The following SUSD1 variants were observed in gnomAD, a reference collection of about 807,000 sequenced individuals.
The protein encoded by SUSD1 is sushi domain-containing protein 1.
A neutral mutation model predicts 86.9 loss-of-function variants in SUSD1; 65 were observed. The observed-to-expected ratio is 0.75, with a 90% CI of 0.61 to 0.92. The LOEUF is 0.92. SUSD1 is among the 40% of genes least tolerant of loss of function. SUSD1 has a pLI of 0.00. For missense variants in SUSD1, 850 were observed against 929.7 expected (o/e 0.91, Z 1.11); for synonymous variants, 346 against 350.0 (o/e 0.99, Z 0.13).
chr9:112,088,914 A>G (rs1830090852), intron 10 of SUSD1, among the ~76,000 whole-genome samples: 1 of 152,144 alleles, frequency 6.6e-6, no homozygotes, highest in Admixed American at 6.5e-5. Flanking sequence ...TGAGACCAGC[A>G]TGGGCAACAA....
At chr9:112,157,816 C>CTTTTT (rs1226073813) in intron 1 of SUSD1, among the ~76,000 whole-genome samples, 1 of 138,432 alleles carries the variant, frequency 7.2e-6, no homozygotes, top group African/African-American at 2.9e-5. Flanking sequence ...CAATGTCTTT[C>CTTTTT]TTTCTTTCTT....
chr9:112,064,251 C>G (rs1054078025), intron 12 of SUSD1, among the ~76,000 whole-genome samples: 1 of 152,160 alleles, frequency 6.6e-6, no homozygotes, highest in Admixed American at 6.5e-5. Flanking sequence ...AGGAGGTGAG[C>G]AGCAGGTGGA....
chr9:112,170,344 C>A (rs1031964552), intron 1 of SUSD1, among the ~76,000 whole-genome samples: 5 of 152,060 alleles, frequency 3.3e-5, no homozygotes, highest in African/African-American at 1.2e-4. Flanking sequence ...AGTCAGGTGA[C>A]CTTTGTATAC....
intron 13 of SUSD1, among the ~76,000 whole-genome samples, chr9:112,062,679 G>A (rs1220349880): frequency 6.6e-6 from 1 of 151,938 alleles, no homozygotes; most frequent in Non-Finnish European, 1.5e-5. Flanking sequence ...TGTATGATGG[G>A]AGTGACACTC....
intron 1 of SUSD1, among the ~76,000 whole-genome samples, chr9:112,167,890 C>T (rs997914121): frequency 6.6e-6 from 1 of 152,126 alleles, no homozygotes; most frequent in Non-Finnish European, 1.5e-5. Flanking sequence ...AGGCAAAAGG[C>T]ATGTGTTACA....
intron 5 of SUSD1, among the ~76,000 whole-genome samples, chr9:112,130,250 G>A (rs1564321244): frequency 6.6e-6 from 1 of 152,116 alleles, no homozygotes; most frequent in African/African-American, 2.4e-5. Flanking sequence ...GCGCATGCTT[G>A]TAATCCCAGC....
At chr9:112,065,464 G>A (rs961213252) in intron 12 of SUSD1, among the ~76,000 whole-genome samples, 1 of 152,228 alleles carries the variant, frequency 6.6e-6, no homozygotes, top group Non-Finnish European at 1.5e-5. Flanking sequence ...GGCAGAGGTT[G>A]CAGTGAGCCG....
intron 2 of SUSD1, among the ~76,000 whole-genome samples, chr9:112,150,877 A>G (rs937859640): frequency 3.9e-5 from 6 of 152,236 alleles, no homozygotes; most frequent in Non-Finnish European, 8.8e-5. Flanking sequence ...AAGCTGCTCT[A>G]GGTAAGTCAG....
intron 5 of SUSD1, among the ~76,000 whole-genome samples, chr9:112,128,543 G>A (rs1377004269): frequency 6.6e-6 from 1 of 152,088 alleles, no homozygotes; most frequent in Non-Finnish European, 1.5e-5. Context: ...ACAGGTGCCT[G>A]CAACCACGCC....
intron 15 of SUSD1, among the ~76,000 whole-genome samples, chr9:112,048,990 A>G (rs1044846421): frequency 5.3e-5 from 8 of 152,236 alleles, no homozygotes; most frequent in Non-Finnish European, 1.2e-4. Context: ...ACTGAAAAAT[A>G]ATGGAGGACC....
intron 1 of SUSD1, among the ~76,000 whole-genome samples, chr9:112,161,067 TACATTGTCAATTCATAATG>T (rs1206397955): frequency 6.6e-6 from 1 of 152,142 alleles, no homozygotes; most frequent in African/African-American, 2.4e-5. Flanking sequence ...GTGTGATCAG[TACATTGTCAATTCATAATG>T]ACATGCAGGG....
At chr9:112,167,977 T>C (rs910535583) in intron 1 of SUSD1, among the ~76,000 whole-genome samples, 13 of 152,156 alleles carry the variant, frequency 8.5e-5, no homozygotes, top group African/African-American at 3.1e-4. Context: ...GTGAGACTTA[T>C]TCACTACCAC....
At chr9:112,123,712 A>T (rs547436719) in intron 6 of SUSD1, among the ~76,000 whole-genome samples, 1 of 152,202 alleles carries the variant, frequency 6.6e-6, no homozygotes, top group African/African-American at 2.4e-5. Context: ...AGGCAGGCGA[A>T]TCACTTGGTC....
At chr9:112,158,324 C>G (rs1165957221) in intron 1 of SUSD1, among the ~76,000 whole-genome samples, 1 of 152,150 alleles carries the variant, frequency 6.6e-6, no homozygotes, top group African/African-American at 2.4e-5. Context: ...CTCTACCTAG[C>G]TAGCACCTAT....
At chr9:112,097,913 G>T (rs1449146556) in intron 10 of SUSD1, among the ~76,000 whole-genome samples, 1 of 152,210 alleles carries the variant, frequency 6.6e-6, no homozygotes, top group Non-Finnish European at 1.5e-5. Flanking sequence ...CTGCACCACA[G>T]CCATCCCACT....
At chr9:112,075,434 A>G (rs1386321858) in intron 12 of SUSD1, among the ~76,000 whole-genome samples, 3 of 152,192 alleles carry the variant, frequency 2.0e-5, no homozygotes, top group African/African-American at 2.4e-5. Context: ...GTTTTTAGAA[A>G]ACAAGCTCTA....
At chr9:112,098,228 G>A (rs1325498937) in intron 10 of SUSD1, among the ~76,000 whole-genome samples, 1 of 152,152 alleles carries the variant, frequency 6.6e-6, no homozygotes, top group Non-Finnish European at 1.5e-5. Flanking sequence ...AGGACTCCCA[G>A]GGAGCTCTGA....
chr9:112,096,323 G>A (rs1019176346), intron 10 of SUSD1, among the ~76,000 whole-genome samples: 1 of 152,084 alleles, frequency 6.6e-6, no homozygotes, highest in African/African-American at 2.4e-5. Context: ...TGCCAAGTAT[G>A]TGCCTGCCTC....
At chr9:112,069,055 C>T (rs1196985913) in intron 12 of SUSD1, among the ~76,000 whole-genome samples, 2 of 151,886 alleles carry the variant, frequency 1.3e-5, no homozygotes, top group Non-Finnish European at 2.9e-5. Context: ...AGGAGCAAAC[C>T]CCATGGTGGA....
Sources: allele counts gnomAD v4.1 joint callset (sites outside exome capture counted in the v4.1 genomes callset), GRCh38; gene constraint gnomAD v4.1.1; transcripts MANE v1.5; gene names NCBI Gene and HGNC (gene_info 2026-07-23, HGNC 2026-07-21).